The following FBXO32 variants were observed in gnomAD, a reference collection of about 807,000 sequenced individuals.
FBXO32 encodes F-box only protein 32.
In FBXO32, 15 loss-of-function variants were observed where a neutral mutation model predicts 48.3. That is an observed-to-expected ratio of 0.31 (90% CI 0.21 to 0.48). The LOEUF (loss-of-function observed/expected upper bound fraction) is 0.48. FBXO32 is among the 20% of genes least tolerant of loss of function. FBXO32 has a pLI of 0.99. For synonymous variants in FBXO32, 154 were observed against 165.9 expected (o/e 0.93, Z 0.55); for missense variants, 309 against 432.7 (o/e 0.71, Z 2.54).
At chr8:123,514,355 G>A in intron 4 of FBXO32, 22 bp from the exon 5 acceptor site, 1 of 1,595,184 alleles carries the variant, frequency 6.3e-7, no homozygotes, top group Non-Finnish European at 8.6e-7. Flanking sequence ...AATAGAAGTT[G>A]CCAGGCTTAG....
chr8:123,520,234 T>A (rs1816924392), intron 4 of FBXO32, among the ~76,000 whole-genome samples: 1 of 152,172 alleles, frequency 6.6e-6, no homozygotes, highest in Admixed American at 6.5e-5. Flanking sequence ...GAAAATGTCT[T>A]GTTTGGAAGT....
rs115842635 is a variant in FBXO32 at position 123,525,791 on chromosome 8, G to A, written c.372+6107C>T. 6.1e-4 allele frequency among the ~76,000 whole-genome samples: 93 copies of A among 152,236 alleles called. No homozygotes were observed. The highest frequency in any genetic ancestry group is 1.9e-3 in the African/African-American group (77 of 41,544). ...CAGCTTGACTGTGCTTATCAAAGAC[G>A]TAGATATACAAAGATGGAATTCGTA... On this transcript the variant is annotated intron_variant, in intron 4 of 8. Coordinates refer to ENST00000517956, the MANE Select transcript of FBXO32 (RefSeq NM_058229.4). The surrounding 1 kb of genome is among the most constrained non-coding windows in gnomAD (Gnocchi z 4.3).
intron 4 of FBXO32, among the ~76,000 whole-genome samples, chr8:123,519,198 C>T (rs748946651): frequency 9.2e-5 from 14 of 152,098 alleles, no homozygotes; most frequent in Admixed American, 2.6e-4. Context: ...CCAAATTTTA[C>T]TCCAAAATGG....
chr8:123,534,499 G>A (rs1467860402), intron 2 of FBXO32, among the ~76,000 whole-genome samples: 1 of 152,140 alleles, frequency 6.6e-6, no homozygotes, highest in East Asian at 1.9e-4. Context: ...TTACAAACAA[G>A]ACTATAAAGA....
intron 6 of FBXO32, among the ~76,000 whole-genome samples, chr8:123,507,069 C>T (rs569184594): frequency 7.2e-5 from 11 of 152,252 alleles, no homozygotes; most frequent in African/African-American, 2.4e-4. Flanking sequence ...CTTCTCTGCC[C>T]GGCCACGTGG....
Position 123,513,066 on chromosome 8 carries a change from C to T in FBXO32, c.651+132G>A, listed in dbSNP as rs1816767163. ...GAGGTCCCCCAGCCCACCCTCAGCA[C>T]CAGAACAAAGCAGCAGATCAGAAAA... On this transcript the variant is annotated intron_variant, in intron 6 of 8. Transcript: ENST00000517956. This position sits in a 1 kb window ranked among gnomAD's most constrained non-coding sequence, Gnocchi z 4.3. 1 of 1,030,324 alleles carries T rather than the reference C, an allele frequency of 9.7e-7. No individual in the cohort carries two copies. The highest frequency in any genetic ancestry group is 1.7e-5 in the South Asian group (1 of 59,428). The allele number at this position is 1,030,324 out of a possible 1,614,324, so 63.8% of individuals were successfully genotyped here.
chr8:123,514,228 G>A lies in FBXO32; in HGVS notation c.466+12C>T. On this transcript the variant is annotated intron_variant, in intron 5 of 8. Transcript: ENST00000517956. The stretch of plus-strand genomic sequence containing the variant: ...CCTATAAAAAGGGGCGAGAGAGTGA[G>A]AGAAGGCTCACCTTTCAGTACCACT... The A allele has an allele frequency of 6.2e-7, 1 of 1,607,078 alleles. No homozygotes were observed. Among genetic ancestry groups the A allele is most frequent in the South Asian group, 1.1e-5 (1 of 89,794 alleles).
At chr8:123,532,067 C>A in intron 3 of FBXO32, 77 bp from the exon 4 acceptor site, 1 of 1,589,772 alleles carries the variant, frequency 6.3e-7, no homozygotes, top group Non-Finnish European at 8.6e-7. Flanking sequence ...CCAGTTAGAA[C>A]AACCCAACTG....
intron 4 of FBXO32, among the ~76,000 whole-genome samples, chr8:123,516,437 C>T (rs1293344712): frequency 6.6e-6 from 1 of 152,156 alleles, no homozygotes; most frequent in Non-Finnish European, 1.5e-5. Flanking sequence ...CTCAGCCCAG[C>T]TTCATTTCAG....
intron 3 of FBXO32, chr8:123,532,258 A>G (rs1817225703): frequency 9.2e-7 from 1 of 1,085,828 alleles, no homozygotes; most frequent in African/African-American, 1.7e-5. Flanking sequence ...CCTTGCTTAT[A>G]ATTTTTCCAC....
At chr8:123,531,082 C>T (rs977335993) in intron 4 of FBXO32, among the ~76,000 whole-genome samples, 2 of 148,626 alleles carry the variant, frequency 1.3e-5, no homozygotes, top group Admixed American at 6.8e-5. Flanking sequence ...CGGGTTCAAG[C>T]GATTCTCCTG....
chr8:123,518,952 G>C (rs1399511403), intron 4 of FBXO32, among the ~76,000 whole-genome samples: 1 of 152,128 alleles, frequency 6.6e-6, no homozygotes, highest in Admixed American at 6.5e-5. Context: ...CTCCCAAGTA[G>C]CTGGGACCAC....
At chr8:123,527,550 C>T (rs941303656) in intron 4 of FBXO32, among the ~76,000 whole-genome samples, 6 of 152,102 alleles carry the variant, frequency 3.9e-5, no homozygotes, top group African/African-American at 1.4e-4. Flanking sequence ...TAAAAATGTA[C>T]GACCATTCTA....
In FBXO32 at chr8:123,506,751, A is replaced by T; in HGVS notation, c.652-177T>A. The T allele has an allele frequency of 1.7e-6, 1 of 604,648 alleles. No individual in the cohort carries two copies. The highest frequency in any genetic ancestry group is 3.0e-6 in the Non-Finnish European group (1 of 336,728). 37.5% of individuals were successfully genotyped at this position (604,648 alleles called of 1,614,324 possible). ...ATGCAGACAGGAGACCATGGCCATG[A>T]CCCTCAATGAAGTGTGGAGTGCGCT... On this transcript the variant is annotated intron_variant, in intron 6 of 8. Coordinates refer to ENST00000517956, the MANE Select transcript of FBXO32 (RefSeq NM_058229.4). This position sits in a 1 kb window ranked among gnomAD's most constrained non-coding sequence, Gnocchi z 4.0.
At position 123,541,083 on chromosome 8, in the gene FBXO32, G is replaced by A. The variant is rs905078025; in HGVS notation, c.-69C>T. The A allele has an allele frequency of 3.7e-6, 4 of 1,070,496 alleles. No homozygotes were observed. The highest frequency in any genetic ancestry group is 5.1e-6 in the Non-Finnish European group (4 of 777,726). 66.3% of individuals were successfully genotyped at this position (1,070,496 alleles called of 1,614,324 possible). On this transcript the variant is annotated 5_prime_UTR_variant, in exon 1 of 9. Coordinates refer to ENST00000517956, the MANE Select transcript of FBXO32 (RefSeq NM_058229.4). ...TGGTGGGCTCGGGGACGTGCCACCC[G>A]GGGCGGATGCTCGGGGTGCAGGGGC... is the stretch of plus-strand genomic sequence containing the variant.
intron 4 of FBXO32, among the ~76,000 whole-genome samples, chr8:123,514,728 T>G (rs1290236623): frequency 6.6e-6 from 1 of 152,224 alleles, no homozygotes; most frequent in Non-Finnish European, 1.5e-5. Context: ...ACTTCTTCCT[T>G]ATTGGCACTG....
At chr8:123,538,926 A>C (rs764633381) in intron 1 of FBXO32, among the ~76,000 whole-genome samples, 9 of 152,252 alleles carry the variant, frequency 5.9e-5, no homozygotes, top group Non-Finnish European at 1.3e-4. Flanking sequence ...CTGTGAAGAC[A>C]GAGATACCAC....
intron 1 of FBXO32, among the ~76,000 whole-genome samples, chr8:123,536,930 A>G (rs1332451337): frequency 2.0e-5 from 3 of 152,222 alleles, no homozygotes; most frequent in African/African-American, 7.2e-5. Flanking sequence ...GCTAGTTTAG[A>G]AAGAATTTTA....
At chr8:123,524,305 C>T (rs1039575696) in intron 4 of FBXO32, among the ~76,000 whole-genome samples, 4 of 152,092 alleles carry the variant, frequency 2.6e-5, no homozygotes, top group South Asian at 2.1e-4. Flanking sequence ...ACCTAGACAC[C>T]GCAGGATCTG....
Sources: gnomAD v4.1 joint callset for allele counts (sites outside exome capture counted in the v4.1 genomes callset) on GRCh38, gnomAD v4.1.1 for gene constraint, Gnocchi (gnomAD v3.1) non-coding constraint, MANE v1.5 for transcripts, NCBI Gene and HGNC (gene_info 2026-07-23, HGNC 2026-07-21) for gene names.